FHIP1A: variants seen among roughly 807,000 people sequenced by gnomAD.
FHIP1A encodes FHF complex subunit HOOK-interacting protein 1A.
In FHIP1A, 61 loss-of-function variants were observed where a neutral mutation model predicts 88.6. The ratio of observed to expected loss-of-function variants is 0.69; its 90% CI spans 0.56 to 0.85. The LOEUF (loss-of-function observed/expected upper bound fraction) is 0.85, where lower values mean the gene tolerates loss of function less well. Ranked by LOEUF, FHIP1A falls within the 40% of genes least tolerant of loss-of-function variation. The pLI is 0.00. For synonymous variants in FHIP1A, 478 were observed against 496.0 expected, an observed-to-expected ratio of 0.96 and a Z score of 0.48; for missense variants, 1,154 against 1,273.5, an observed-to-expected ratio of 0.91 and a Z score of 1.43.
At chr4:151,437,602 G>T (rs1380656223) in intron 1 of FHIP1A, among the ~76,000 whole-genome samples, 3 of 152,128 alleles carry the variant, frequency 2.0e-5, no homozygotes, top group Non-Finnish European at 4.4e-5. Context: ...TGTAAAGCAG[G>T]TTACATTACC....
rs1729939992 is a variant in FHIP1A at position 151,482,630 on chromosome 4, T to C, written c.-141T>C. 6.6e-6 allele frequency: 1 copy of C among 152,146 alleles called. No homozygotes were observed. The highest frequency in any genetic ancestry group is 2.1e-4 in the South Asian group (1 of 4,836). The allele number at this position is 152,146 out of a possible 1,614,324, so 9.4% of individuals were successfully genotyped here. On this transcript the variant is annotated 5_prime_UTR_variant, in exon 3 of 14. Coordinates refer to ENST00000435205, the MANE Select transcript of FHIP1A (RefSeq NM_001109977.3). The stretch of plus-strand genomic sequence containing the variant: ...GCAAATACAACCCAGCAGTAGGTTA[T>C]TGAAGACAGCAGCCCCAGGTAATGT...
chr4:151,419,454 TCTC>T (rs1733029352), intron 1 of FHIP1A, among the ~76,000 whole-genome samples: 1 of 152,076 alleles, frequency 6.6e-6, no homozygotes, highest in Non-Finnish European at 1.5e-5. Flanking sequence ...CACACATACA[TCTC>T]CTACTGGTTC....
intron 3 of FHIP1A, among the ~76,000 whole-genome samples, chr4:151,485,500 T>A (rs980914299): frequency 4.6e-5 from 7 of 151,680 alleles, no homozygotes; most frequent in African/African-American, 1.7e-4. Context: ...CAAAGTGCGG[T>A]CCCCAGATGA....
intron 3 of FHIP1A, among the ~76,000 whole-genome samples, chr4:151,554,112 A>G (rs946119781): frequency 2.0e-5 from 3 of 152,068 alleles, no homozygotes; most frequent in Non-Finnish European, 4.4e-5. Context: ...GTGACCAGTC[A>G]CTTTTCTCTA....
At chr4:151,496,251 A>T (rs911999170) in intron 3 of FHIP1A, among the ~76,000 whole-genome samples, 6 of 148,992 alleles carry the variant, frequency 4.0e-5, no homozygotes, top group African/African-American at 1.5e-4. Flanking sequence ...ATATATTTTT[A>T]TATATATATA....
chr4:151,530,146 A>T (rs1364603211), intron 3 of FHIP1A, among the ~76,000 whole-genome samples: 1 of 152,156 alleles, frequency 6.6e-6, no homozygotes, highest in African/African-American at 2.4e-5. Context: ...TAAATTCAGG[A>T]TTGGAGTGGG....
chr4:151,416,150 C>G (rs1011254690), intron 1 of FHIP1A, among the ~76,000 whole-genome samples: 2 of 152,190 alleles, frequency 1.3e-5, no homozygotes, highest in South Asian at 2.1e-4. Flanking sequence ...TGATTTCCCT[C>G]TGTGTGTGGA....
At chr4:151,598,860 G>C (rs1734751150) in intron 7 of FHIP1A, among the ~76,000 whole-genome samples, 1 of 152,064 alleles carries the variant, frequency 6.6e-6, no homozygotes, top group African/African-American at 2.4e-5. Flanking sequence ...GAACTCATTT[G>C]GTATTGAACC....
intron 5 of FHIP1A, among the ~76,000 whole-genome samples, chr4:151,581,118 A>C (rs1454335365): frequency 6.6e-6 from 1 of 152,198 alleles, no homozygotes; most frequent in African/African-American, 2.4e-5. Context: ...CCAGCCTCCC[A>C]AAATGCTGGG....
intron 3 of FHIP1A, among the ~76,000 whole-genome samples, chr4:151,523,847 A>G (rs564749523): frequency 2.0e-5 from 3 of 152,336 alleles, no homozygotes; most frequent in Non-Finnish European, 2.9e-5. Context: ...ACAAAAGTAA[A>G]TGAAAGCTTA....
At chr4:151,473,401 T>C (rs2126621500) in intron 2 of FHIP1A, among the ~76,000 whole-genome samples, 1 of 152,108 alleles carries the variant, frequency 6.6e-6, no homozygotes, top group African/African-American at 2.4e-5. Context: ...TCTGAACTGG[T>C]GCAGTTGTCA....
chr4:151,624,161 G>A (rs543757278), intron 7 of FHIP1A, among the ~76,000 whole-genome samples: 10 of 152,214 alleles, frequency 6.6e-5, no homozygotes, highest in Non-Finnish European at 1.2e-4. Context: ...AAGGTAATCT[G>A]AACACTGAGA....
At chr4:151,430,310 A>G (rs1012169962) in intron 1 of FHIP1A, among the ~76,000 whole-genome samples, 8 of 152,188 alleles carry the variant, frequency 5.3e-5, no homozygotes, top group Non-Finnish European at 1.2e-4. Flanking sequence ...TTGAGTTAAC[A>G]CTTATAAAGT....
chr4:151,439,333 T>C (rs1212377166), intron 1 of FHIP1A, among the ~76,000 whole-genome samples: 1 of 152,214 alleles, frequency 6.6e-6, no homozygotes, highest in Non-Finnish European at 1.5e-5. Flanking sequence ...GAATAGTGTC[T>C]GACACAAAGT....
intron 1 of FHIP1A, among the ~76,000 whole-genome samples, chr4:151,451,304 A>G (rs574327891): frequency 1.3e-5 from 2 of 151,892 alleles, no homozygotes; most frequent in African/African-American, 4.8e-5. Flanking sequence ...TTTGCTTTAC[A>G]TTTTTACTTA....
At chr4:151,549,510 A>T (rs954660993) in intron 3 of FHIP1A, among the ~76,000 whole-genome samples, 1 of 148,436 alleles carries the variant, frequency 6.7e-6, no homozygotes, top group Admixed American at 6.7e-5. Flanking sequence ...AAAAAAAAAA[A>T]ATAGTTACCC....
chr4:151,417,983 G>C (rs969042244), intron 1 of FHIP1A, among the ~76,000 whole-genome samples: 40 of 151,900 alleles, frequency 2.6e-4, no homozygotes, highest in African/African-American at 8.2e-4. Context: ...CAGCCTGGGA[G>C]ACATAGTGAG....
chr4:151,447,187 C>G (rs1422520404), intron 1 of FHIP1A, among the ~76,000 whole-genome samples: 2 of 152,122 alleles, frequency 1.3e-5, no homozygotes, highest in Non-Finnish European at 2.9e-5. Flanking sequence ...CTTTGGAAGA[C>G]TTCTTAGGAC....
chr4:151,416,958 A>AT (rs1189686171), intron 1 of FHIP1A, among the ~76,000 whole-genome samples: 1 of 151,716 alleles, frequency 6.6e-6, no homozygotes, highest in East Asian at 1.9e-4. Flanking sequence ...TAATTTTTGT[A>AT]TTTTTTTGTA....
Sources: allele counts gnomAD v4.1 joint callset (sites outside exome capture counted in the v4.1 genomes callset), GRCh38; gene constraint gnomAD v4.1.1; transcripts MANE v1.5; gene names NCBI Gene and HGNC (gene_info 2026-07-23, HGNC 2026-07-21).